Variants in COBLL1 observed in about 807,000 individuals in gnomAD.
The protein encoded by COBLL1 is cordon-bleu WH2 repeat protein like 1, also known as cordon-bleu protein-like 1.
COBLL1 carries 50 observed loss-of-function variants against 94.8 expected under a neutral mutation model. That is an observed-to-expected ratio of 0.53 (90% CI 0.42 to 0.67). The LOEUF is 0.67. Ranked by LOEUF, COBLL1 falls within the 30% of genes least tolerant of loss-of-function variation. COBLL1 has a pLI of 0.00. For missense variants in COBLL1, 1,362 were observed against 1,348.7 expected, an observed-to-expected ratio of 1.01 and a Z score of -0.15; for synonymous variants, 448 against 473.8, an observed-to-expected ratio of 0.95 and a Z score of 0.71.
In COBLL1 at chr2:164,722,481, T is replaced by C; in HGVS notation, c.703A>G (p.Lys235Glu). Residue 235 changes from lysine (K) to glutamate (E), a missense_variant, in exon 6 of 14, where the codon AAA (lysine) becomes GAA (glutamate). Transcript: ENST00000652658. Reference sequence around the variant, plus strand: ...AAACTGAAAAACCCTTTATTTTCTTTCTCCTTCATAATATCTAGGTTTTGT... The same window carrying C: ...AAACTGAAAAACCCTTTATTTTCTTCCTCCTTCATAATATCTAGGTTTTGT... The part of the protein sequence containing the change: ...ISQNLDIMKE[K>E]ENKGFFSFFQ... The C allele has an allele frequency of 7.2e-6, 11 of 1,527,756 alleles. No individual in the cohort carries two copies. Among genetic ancestry groups the C allele is most frequent in the Non-Finnish European group, 9.6e-6 (11 of 1,141,344 alleles). 94.6% of individuals were successfully genotyped at this position (1,527,756 alleles called of 1,614,324 possible). A position where few individuals can be genotyped will look rare whatever the true frequency, so the allele number is the denominator to read the frequency against.
chr2:164,832,615 C>A (rs991213867), intron 2 of COBLL1, among the ~76,000 whole-genome samples: 10 of 152,170 alleles, frequency 6.6e-5, no homozygotes, highest in Admixed American at 6.5e-4. Flanking sequence ...GGTATTTTTA[C>A]ACCTTTATGT....
At chr2:164,817,924 T>C (rs1559044856) in intron 2 of COBLL1, among the ~76,000 whole-genome samples, 2 of 152,202 alleles carry the variant, frequency 1.3e-5, no homozygotes, top group African/African-American at 4.8e-5. Context: ...GCCCAGTTTC[T>C]GGCATAATTT....
At chr2:164,766,314 C>T (rs1035354113) in intron 2 of COBLL1, among the ~76,000 whole-genome samples, 15 of 152,142 alleles carry the variant, frequency 9.9e-5, no homozygotes, top group African/African-American at 2.2e-4. Context: ...TCCCTGTCCC[C>T]GTTCCAATCT....
intron 2 of COBLL1, among the ~76,000 whole-genome samples, chr2:164,805,363 A>ATATATATATAT (rs1553480466): frequency 2.6e-4 from 30 of 115,794 alleles, no homozygotes; most frequent in Admixed American, 3.9e-4. Context: ...ATATATATAT[A>ATATATATATAT]AAACTAAAGT....
intron 2 of COBLL1, among the ~76,000 whole-genome samples, chr2:164,820,936 G>A (rs935062558): frequency 6.6e-5 from 10 of 152,176 alleles, no homozygotes; most frequent in African/African-American, 9.7e-5. Flanking sequence ...CGCCCAGACT[G>A]GAGTGCAGTG....
intron 5 of COBLL1, chr2:164,723,895 C>T (rs187398567): frequency 5.9e-4 from 90 of 152,448 alleles, no homozygotes; most frequent in Admixed American, 1.3e-3. Context: ...TCGGTTCAAG[C>T]GATTCTCCTG....
At chr2:164,704,394 ATGGACGTC>A (rs1308823753) in intron 9 of COBLL1, 42 bp downstream of exon 9, 4 of 1,200,964 alleles carry the variant, frequency 3.3e-6, no homozygotes, top group Non-Finnish European at 5.0e-6. Flanking sequence ...CTCAATTATC[ATGGACGTC>A]CTTTTTCAGT....
At chr2:164,807,293 G>GA (rs34980983) in intron 2 of COBLL1, among the ~76,000 whole-genome samples, 11 of 149,282 alleles carry the variant, frequency 7.4e-5, no homozygotes, top group East Asian at 4.0e-4. Flanking sequence ...TAAAAATTTA[G>GA]AAAAAAAAAA....
Position 164,685,378 on chromosome 2 carries a change from A to G in COBLL1, c.*568T>C, listed in dbSNP as rs1308899641. On this transcript the variant is annotated 3_prime_UTR_variant, in exon 14 of 14. Coordinates refer to ENST00000652658, the MANE Select transcript of COBLL1 (RefSeq NM_001365672.2). ...AAAATTGACAGTGATTTGTAATTAC[A>G]TAAAGAATACACAAGGCAAGTCTTT... The G allele has an allele frequency of 6.6e-6, 1 of 152,234 alleles. No individual in the cohort carries two copies. The highest frequency in any genetic ancestry group is 1.5e-5 in the Non-Finnish European group (1 of 68,036). 9.4% of individuals were successfully genotyped at this position (152,234 alleles called of 1,614,324 possible).
At chr2:164,667,163 C>T (rs1691172836) in intron 1 of COBLL1, among the ~76,000 whole-genome samples, 1 of 151,970 alleles carries the variant, frequency 6.6e-6, no homozygotes, top group African/African-American at 2.4e-5. Flanking sequence ...GGTGCATTAT[C>T]AATGAACAGT....
chr2:164,801,646 G>C (rs2105319975), intron 2 of COBLL1, among the ~76,000 whole-genome samples: 1 of 151,944 alleles, frequency 6.6e-6, no homozygotes, highest in East Asian at 1.9e-4. Flanking sequence ...TAAACTCCTA[G>C]AAGTATACAC....
intron 7 of COBLL1, among the ~76,000 whole-genome samples, chr2:164,720,494 A>G (rs780573419): frequency 2.0e-5 from 3 of 152,298 alleles, no homozygotes; most frequent in Non-Finnish European, 2.9e-5. Flanking sequence ...AAGATTTGTG[A>G]GCATGGGCTA....
intron 2 of COBLL1, among the ~76,000 whole-genome samples, chr2:164,775,077 GC>G (rs1465130920): frequency 6.6e-6 from 1 of 151,784 alleles, no homozygotes; most frequent in Non-Finnish European, 1.5e-5. Context: ...AATTGCTTAA[GC>G]CCAGCAGTTT....
Position 164,700,724 on chromosome 2 carries a change from T to G in COBLL1, c.1258A>C (p.Ile420Leu), listed in dbSNP as rs769420311. ...TCACTCAGTTCTTCCTTTTCATCTA[T>G]CTCTTCAAGGCTATAATCAGAGCTT... ...GISSDYSLEE[I>L]DEKEELSEVP... The change falls in exon 10 of 14, where the codon ATA becomes CTA. Residue 420 changes from isoleucine to leucine, a missense_variant. By Grantham distance (5) the Ile-to-Leu change is conservative. Coordinates refer to ENST00000652658, the MANE Select transcript of COBLL1 (RefSeq NM_001365672.2). 3 of 1,611,358 alleles carry G rather than the reference T, an allele frequency of 1.9e-6. No homozygotes were observed. Among genetic ancestry groups the G allele is most frequent in the South Asian group, 1.1e-5 (1 of 91,010 alleles).
intron 2 of COBLL1, among the ~76,000 whole-genome samples, chr2:164,784,427 C>T (rs530855526): frequency 8.3e-4 from 127 of 152,180 alleles, no homozygotes; most frequent in African/African-American, 2.9e-3. Flanking sequence ...TTCTTTAGTC[C>T]TCCAAGTTCC....
chr2:164,829,002 G>A (rs1682924934), intron 2 of COBLL1, among the ~76,000 whole-genome samples: 1 of 152,132 alleles, frequency 6.6e-6, no homozygotes, highest in Admixed American at 6.6e-5. Context: ...GCTAGAAGGA[G>A]ATGTCTCACC....
At chr2:164,773,820 T>A (rs961460712) in intron 2 of COBLL1, 28 of 1,156,566 alleles carry the variant, frequency 2.4e-5, no homozygotes, top group Non-Finnish European at 3.1e-5. Flanking sequence ...ATCATGTATG[T>A]GTAAGCGCCA....
At position 164,687,833 on chromosome 2, in the gene COBLL1, A is replaced by T. The variant is rs923066451; in HGVS notation, c.3301-1801T>A. The T allele has an allele frequency of 9.4e-6, 3 of 319,430 alleles. No individual in the cohort carries two copies. In the Admixed American group the frequency reaches 1.3e-4, roughly 14 times the overall value. 19.8% of individuals were successfully genotyped at this position (319,430 alleles called of 1,614,324 possible). A position where few individuals can be genotyped will look rare whatever the true frequency, so the allele number is the denominator to read the frequency against. ...CCTAAATGTTTCTGTGTACAGGATA[A>T]TTATTTTGTAATCCTTGCCAAAATT... On this transcript the variant is annotated intron_variant, in intron 13 of 13. Transcript: ENST00000652658.
chr2:164,716,097 T>C (rs1685156768), intron 7 of COBLL1, among the ~76,000 whole-genome samples: 1 of 152,198 alleles, frequency 6.6e-6, no homozygotes, highest in Non-Finnish European at 1.5e-5. Context: ...CCTTTGGCCA[T>C]TGATTTTATT....
Sources: gnomAD v4.1 joint callset for allele counts (sites outside exome capture counted in the v4.1 genomes callset) on GRCh38, gnomAD v4.1.1 for gene constraint, MANE v1.5 for transcripts, NCBI Gene and HGNC (gene_info 2026-07-23, HGNC 2026-07-21) for gene names.